RAD51B: variants seen among roughly 807,000 people sequenced by gnomAD.
RAD51B encodes RAD51 paralog B.
RAD51B carries 38 observed loss-of-function variants against 42.2 expected under a neutral mutation model. The ratio of observed to expected loss-of-function variants is 0.90; its 90% CI spans 0.70 to 1.18. The LOEUF is 1.18. RAD51B is among the 50% of genes most tolerant of loss of function. RAD51B has a pLI of 0.00. For synonymous variants in RAD51B, 154 were observed against 145.2 expected (o/e 1.06, Z -0.43); for missense variants, 373 against 400.7 (o/e 0.93, Z 0.59).
intron 8 of RAD51B, among the ~76,000 whole-genome samples, chr14:68,403,760 C>T (rs1441970150): frequency 6.6e-6 from 1 of 152,202 alleles, no homozygotes; most frequent in Non-Finnish European, 1.5e-5. Flanking sequence ...CACTTTGCAA[C>T]TAAGATTTAC....
chr14:68,507,933 A>C (rs1885455604), intron 10 of RAD51B, among the ~76,000 whole-genome samples: 1 of 152,202 alleles, frequency 6.6e-6, no homozygotes, highest in African/African-American at 2.4e-5. Flanking sequence ...AAGTCTAGAC[A>C]AAACAGAGCT....
At chr14:68,583,842 G>A (rs181701472) in intron 10 of RAD51B, among the ~76,000 whole-genome samples, 3 of 152,306 alleles carry the variant, frequency 2.0e-5, no homozygotes, top group Non-Finnish European at 4.4e-5. Flanking sequence ...ACTGTCCAAC[G>A]TCCAGCAGCA....
chr14:67,993,397 C>G (rs1450458203), intron 7 of RAD51B, among the ~76,000 whole-genome samples: 1 of 152,100 alleles, frequency 6.6e-6, no homozygotes, highest in Non-Finnish European at 1.5e-5. Context: ...TCCATGAGTT[C>G]AATTATTTTA....
chr14:68,469,526 T>A (rs566294222), intron 10 of RAD51B, among the ~76,000 whole-genome samples: 1 of 152,372 alleles, frequency 6.6e-6, no homozygotes, highest in Admixed American at 6.5e-5. Flanking sequence ...GTAAATATTT[T>A]TTTTTACAAT....
chr14:67,887,232 C>A, intron 7 of RAD51B, 28 bp downstream of exon 7: 1 of 1,521,744 alleles, frequency 6.6e-7, no homozygotes, highest in South Asian at 1.2e-5. Context: ...TCTCTTTTTT[C>A]TTTTCCTTTC....
intron 7 of RAD51B, among the ~76,000 whole-genome samples, chr14:67,967,044 C>T (rs141644276): frequency 5.8e-4 from 89 of 152,182 alleles, no homozygotes; most frequent in African/African-American, 2.0e-3. Context: ...GCTGGGGAGG[C>T]CTCAGAATCA....
chr14:68,070,368 A>G (rs868374389), intron 7 of RAD51B, among the ~76,000 whole-genome samples: 1 of 152,110 alleles, frequency 6.6e-6, no homozygotes, highest in Non-Finnish European at 1.5e-5. Context: ...TGATATCCAG[A>G]ATGGTATTTC....
chr14:68,606,568 A>C (rs563605283), intron 10 of RAD51B, among the ~76,000 whole-genome samples: 4 of 152,276 alleles, frequency 2.6e-5, no homozygotes, highest in Admixed American at 2.6e-4. Context: ...AAGGTATGCC[A>C]TGTTTAAACT....
chr14:67,859,756 ATTAGGGACACACTTGTT>A (rs958441059), intron 4 of RAD51B, among the ~76,000 whole-genome samples: 1 of 152,218 alleles, frequency 6.6e-6, no homozygotes, highest in African/African-American at 2.4e-5. Flanking sequence ...TATTAGTAAC[ATTAGGGACACACTTGTT>A]CATAAAATGG....
intron 11 of RAD51B, among the ~76,000 whole-genome samples, chr14:68,676,718 G>A (rs200750221): frequency 2.0e-5 from 3 of 152,248 alleles, no homozygotes; most frequent in East Asian, 3.8e-4. Context: ...AGCCAGGGAA[G>A]GCATCCTTTG....
At chr14:68,305,318 G>T (rs1020212626) in intron 8 of RAD51B, among the ~76,000 whole-genome samples, 5 of 152,310 alleles carry the variant, frequency 3.3e-5, no homozygotes, top group Non-Finnish European at 7.4e-5. Context: ...GAATTTTCAG[G>T]AGGCCATAAG....
intron 7 of RAD51B, among the ~76,000 whole-genome samples, chr14:68,009,430 C>CT (rs2075647917): frequency 6.6e-6 from 1 of 151,834 alleles, no homozygotes; most frequent in African/African-American, 2.4e-5. Context: ...ATTTCCTTAT[C>CT]TTTTTGCCTT....
At chr14:67,893,920 A>G (rs1274082806) in intron 7 of RAD51B, among the ~76,000 whole-genome samples, 1 of 152,174 alleles carries the variant, frequency 6.6e-6, no homozygotes, top group Non-Finnish European at 1.5e-5. Context: ...CTTTCGAAAT[A>G]CATTCAGTAT....
downstream of RAD51B, among the ~76,000 whole-genome samples, chr14:68,598,485 A>G (rs538404780): frequency 6.6e-6 from 1 of 152,340 alleles, no homozygotes; most frequent in Non-Finnish European, 1.5e-5. Flanking sequence ...ACATACATAA[A>G]AAGAAACTAA....
chr14:68,351,483 G>A (rs2082787855), intron 8 of RAD51B, among the ~76,000 whole-genome samples: 1 of 152,140 alleles, frequency 6.6e-6, no homozygotes, highest in Non-Finnish European at 1.5e-5. Flanking sequence ...TCTAGAGGAG[G>A]AACAACCAGG....
exon 11 of RAD51B, chr14:68,595,768 G>T: frequency 4.5e-6 from 2 of 442,398 alleles, no homozygotes; most frequent in Non-Finnish European, 6.5e-6. Context: ...TCATGGGAAA[G>T]TGTTCACACC....
intron 7 of RAD51B, among the ~76,000 whole-genome samples, chr14:68,278,923 G>A (rs968121642): frequency 9.2e-5 from 14 of 152,116 alleles, no homozygotes; most frequent in African/African-American, 3.4e-4. Flanking sequence ...GATGTTGCAT[G>A]TGAAATGCAG....
At chr14:68,230,522 A>C (rs1019409148) in intron 7 of RAD51B, among the ~76,000 whole-genome samples, 4 of 152,192 alleles carry the variant, frequency 2.6e-5, no homozygotes, top group African/African-American at 9.7e-5. Context: ...TGACAGTCCT[A>C]CCAGCACTGC....
chr14:68,523,698 C>G lies in RAD51B; in HGVS notation c.1036+55448C>G, dbSNP rs372541738. Among the ~76,000 whole-genome samples, 34 of 152,304 alleles carry G rather than the reference C, an allele frequency of 2.2e-4. No individual in the cohort carries two copies. The East Asian group carries it at 5.6e-3, about 25-fold the overall frequency. On this transcript the variant is annotated intron_variant, in intron 10 of 10. Transcript: ENST00000487270. ...AGAAAAAGCATTTGTAGGAATGCCT[C>G]TTGGTGTATGTGGGGGACTGCCCCT...
Sources: gnomAD v4.1 joint callset for allele counts (sites outside exome capture counted in the v4.1 genomes callset) on GRCh38, gnomAD v4.1.1 for gene constraint, MANE v1.5 for transcripts, NCBI Gene and HGNC (gene_info 2026-07-23, HGNC 2026-07-21) for gene names.